TTC7B: variants seen among roughly 807,000 people sequenced by gnomAD.
TTC7B encodes tetratricopeptide repeat protein 7B.
A neutral mutation model predicts 106.8 loss-of-function variants in TTC7B; 28 were observed. That is an observed-to-expected ratio of 0.26 (90% confidence interval 0.19 to 0.36). The LOEUF is 0.36. TTC7B is among the 10% of genes least tolerant of loss of function. The pLI is 1.00. For missense variants in TTC7B, 862 were observed against 1,076.4 expected, an observed-to-expected ratio of 0.80 and a Z score of 2.79; for synonymous variants, 405 against 430.6, an observed-to-expected ratio of 0.94 and a Z score of 0.74.
At chr14:90,573,701 C>T (rs540513104) in intron 19 of TTC7B, among the ~76,000 whole-genome samples, 3 of 152,326 alleles carry the variant, frequency 2.0e-5, no homozygotes, top group African/African-American at 7.2e-5. Context: ...TCAAAGCGGC[C>T]TCACCCCACT....
At chr14:90,681,483 A>G (rs1887045897) in intron 7 of TTC7B, among the ~76,000 whole-genome samples, 1 of 133,546 alleles carries the variant, frequency 7.5e-6, no homozygotes, top group Admixed American at 7.5e-5. Flanking sequence ...ACCCCCAATA[A>G]AAGGCAAAAA....
chr14:90,643,904 G>A (rs895142513), intron 15 of TTC7B, 144 bp downstream of exon 15: 6 of 1,097,174 alleles, frequency 5.5e-6, no homozygotes, highest in Non-Finnish European at 7.9e-6. Flanking sequence ...TTTAATATCA[G>A]GAAAAAATAA....
rs530343293 is a variant in TTC7B, at chr14:90,751,934, G to T, written c.446-7012C>A. 1.2e-4 allele frequency among the ~76,000 whole-genome samples: 18 copies of T among 152,242 alleles called. No homozygotes were observed. The South Asian group carries it at 3.5e-3, about 30-fold the overall frequency. ...AGAAGTGGAAGCCCCTTATAAGGGA[G>T]CCCATTAGCTGGGGCCAATGCATCT... On this transcript the variant is annotated intron_variant, in intron 3 of 19. Coordinates refer to ENST00000328459, the MANE Select transcript of TTC7B (RefSeq NM_001010854.2).
At chr14:90,788,501 A>G (rs1228041581) in intron 1 of TTC7B, among the ~76,000 whole-genome samples, 2 of 152,232 alleles carry the variant, frequency 1.3e-5, no homozygotes, top group Non-Finnish European at 2.9e-5. Context: ...AAACAATCAT[A>G]TATCCGAAAT....
intron 5 of TTC7B, among the ~76,000 whole-genome samples, chr14:90,724,536 G>A (rs1033081534): frequency 1.3e-5 from 2 of 152,100 alleles, no homozygotes; most frequent in African/African-American, 4.8e-5. Flanking sequence ...GTTCTCATGC[G>A]AACTGTTCGT....
chr14:90,674,300 C>T (rs946209858), intron 9 of TTC7B, among the ~76,000 whole-genome samples: 1 of 152,212 alleles, frequency 6.6e-6, no homozygotes, highest in Non-Finnish European at 1.5e-5. Context: ...TAACCCCTAT[C>T]TTCAGTAACT....
At chr14:90,664,118 GC>G (rs1200550205) in intron 9 of TTC7B, among the ~76,000 whole-genome samples, 1 of 152,082 alleles carries the variant, frequency 6.6e-6, no homozygotes, top group East Asian at 1.9e-4. Flanking sequence ...CACAACCGTC[GC>G]CCCTTAGGCT....
intron 5 of TTC7B, among the ~76,000 whole-genome samples, chr14:90,725,319 C>T (rs1998188): frequency 0.092 from 13,993 of 152,156 alleles, 1,680 homozygotes; most frequent in African/African-American, 0.28. Flanking sequence ...CCCACAATCA[C>T]ATGGGATGTG....
Position 90,807,170 on chromosome 14 carries a change from C to T in TTC7B, c.121+9005G>A, listed in dbSNP as rs995667405. On this transcript the variant is annotated intron_variant, in intron 1 of 19. Transcript: ENST00000328459. This position sits in a 1 kb window ranked among gnomAD's most constrained non-coding sequence, Gnocchi z 4.1. ...CAGAAAAGTCTCAGGCCAACCAGGA[C>T]GAGTTGGTCACCCTCACGCCACCAC... 3.3e-5 allele frequency among the ~76,000 whole-genome samples: 5 copies of T among 152,120 alleles called. No homozygotes were observed. The highest frequency in any genetic ancestry group is 3.3e-4 in the Admixed American group (5 of 15,264).
At chr14:90,571,468 T>C (rs947439872) in intron 19 of TTC7B, among the ~76,000 whole-genome samples, 13 of 152,198 alleles carry the variant, frequency 8.5e-5, no homozygotes, top group African/African-American at 2.9e-4. Context: ...CATGGACGCA[T>C]TGGAAGGCTG....
rs1175067936 is a variant in TTC7B at position 90,633,871 on chromosome 14, AT to A, written c.1751+10176del. Among the ~76,000 whole-genome samples the A allele has an allele frequency of 2.2e-3, 317 of 146,156 alleles. 3 individuals are homozygous for A. Among genetic ancestry groups the A allele is most frequent in the Middle Eastern group, 3.6e-3 (1 of 278 alleles). On this transcript the variant is annotated intron_variant, in intron 15 of 19. Transcript: ENST00000328459. ...CAGTATAAAAATGTGTACTTTGTTA[AT>A]TTTTTTTTTTTTCGGGAGTGGGGAC...
chr14:90,558,923 G>A (rs1341401098), intron 19 of TTC7B, among the ~76,000 whole-genome samples: 1 of 152,250 alleles, frequency 6.6e-6, no homozygotes, highest in African/African-American at 2.4e-5. Context: ...AGGGAACACT[G>A]TAGGGGAGCA....
At chr14:90,709,978 C>G (rs1888376296) in intron 5 of TTC7B, among the ~76,000 whole-genome samples, 1 of 99,490 alleles carries the variant, frequency 1.0e-5, no homozygotes. Flanking sequence ...ACCTTATGTG[C>G]CAGAAAAAAA....
rs568968332 is a variant in TTC7B at position 90,595,233 on chromosome 14, T to C, written c.1967-1607A>G. Among the ~76,000 whole-genome samples, 6 of 152,244 alleles carry C rather than the reference T, an allele frequency of 3.9e-5. No individual in the cohort carries two copies. The East Asian group carries it at 1.2e-3, about 29-fold the overall frequency. On this transcript the variant is annotated intron_variant, in intron 17 of 19. Transcript: ENST00000328459. ...CTGTAATCCCAGCTACTCAGGAGGCTGAGGCAGGAGAATTGCTTGAACCCA... is the reference window on the plus strand; with the variant it reads ...CTGTAATCCCAGCTACTCAGGAGGCCGAGGCAGGAGAATTGCTTGAACCCA...
chr14:90,743,538 C>T (rs1380503292), intron 4 of TTC7B, among the ~76,000 whole-genome samples: 4 of 152,170 alleles, frequency 2.6e-5, no homozygotes, highest in African/African-American at 9.7e-5. Flanking sequence ...ATTTCAAACA[C>T]TCTTGTAGGG....
intron 19 of TTC7B, among the ~76,000 whole-genome samples, chr14:90,571,872 C>A (rs569328465): frequency 5.4e-4 from 82 of 152,308 alleles, no homozygotes; most frequent in African/African-American, 2.0e-3. Flanking sequence ...TCCTGGGTAG[C>A]CCTCACTAGG....
chr14:90,675,980 G>C (rs1026927240), intron 9 of TTC7B: 1 of 152,230 alleles, frequency 6.6e-6, no homozygotes, highest in Admixed American at 6.5e-5. Context: ...CATCCTAAGC[G>C]TTTCTTAGAA....
chr14:90,629,111 G>T (rs1236418439), intron 15 of TTC7B, among the ~76,000 whole-genome samples: 1 of 152,252 alleles, frequency 6.6e-6, no homozygotes, highest in East Asian at 1.9e-4. Context: ...GGTGTTCAAA[G>T]GACAGTGAAT....
intron 1 of TTC7B, among the ~76,000 whole-genome samples, chr14:90,804,953 G>A (rs1249221121): frequency 6.6e-6 from 1 of 152,176 alleles, no homozygotes; most frequent in African/African-American, 2.4e-5. Flanking sequence ...TGTCCACCAT[G>A]CAGGTCCACA....
Sources: allele counts gnomAD v4.1 joint callset (sites outside exome capture counted in the v4.1 genomes callset), GRCh38; gene constraint gnomAD v4.1.1; non-coding constraint Gnocchi (gnomAD v3.1); transcripts MANE v1.5; gene names NCBI Gene and HGNC (gene_info 2026-07-23, HGNC 2026-07-21).